The following MEMO1 variants were observed in gnomAD, a reference collection of about 807,000 sequenced individuals.
The protein encoded by MEMO1 is mediator of cell motility 1, also known as protein MEMO1.
Under a neutral mutation model 45.2 loss-of-function variants are expected in MEMO1, and 6 were observed. The observed-to-expected ratio is 0.13, with a 90% confidence interval of 0.07 to 0.26. The LOEUF (loss-of-function observed/expected upper bound fraction) is 0.26. MEMO1 is among the 10% of genes least tolerant of loss of function. The probability of loss-of-function intolerance (pLI) is 1.00; values close to 1 mark genes in which losing one functional copy is unlikely to be tolerated. For synonymous variants in MEMO1, 78 were observed against 124.3 expected (o/e 0.63, Z 2.48); for missense variants, 184 against 370.5 (o/e 0.50, Z 4.13).
Position 31,922,464 on chromosome 2 carries a change from AAC to A in MEMO1, c.213-1556_213-1555del, listed in dbSNP as rs548224689. 7.6e-4 allele frequency among the ~76,000 whole-genome samples: 115 copies of A among 152,262 alleles called. 1 individual carries two copies. Among genetic ancestry groups the A allele is most frequent in the African/African-American group, 2.7e-3 (112 of 41,554 alleles). The stretch of plus-strand genomic sequence containing the variant: ...CATCCACAGGCCATTTCTGGTCAGA[AAC>A]AGATTATCCTTTTCTTTAACTTTTA... On this transcript the variant is annotated intron_variant, in intron 4 of 9. Coordinates refer to ENST00000404530, the MANE Select transcript of MEMO1 (RefSeq NM_001301833.4).
chr2:31,888,958 A>T (rs764915336), intron 7 of MEMO1, among the ~76,000 whole-genome samples: 1 of 152,118 alleles, frequency 6.6e-6, no homozygotes, highest in Non-Finnish European at 1.5e-5. Flanking sequence ...AAAAGCTACA[A>T]GGCATCTGAA....
At chr2:31,882,451 G>A (rs1558474468) in intron 8 of MEMO1, among the ~76,000 whole-genome samples, 1 of 151,950 alleles carries the variant, frequency 6.6e-6, no homozygotes, top group Non-Finnish European at 1.5e-5. Context: ...TCAATGATGT[G>A]AGTTTATTAT....
At chr2:31,998,799 CAA>C (rs1186000366) in intron 2 of MEMO1, among the ~76,000 whole-genome samples, 20 of 105,640 alleles carry the variant, frequency 1.9e-4, no homozygotes, top group Non-Finnish European at 1.4e-4. Flanking sequence ...GACTCCGTCT[CAA>C]AAAAAAAAAA....
chr2:31,917,121 TAC>T (rs1471738373), intron 6 of MEMO1, among the ~76,000 whole-genome samples: 1 of 152,180 alleles, frequency 6.6e-6, no homozygotes. Context: ...ACTGAGAGCG[TAC>T]AGAGCATCAT....
At chr2:31,878,942 A>C (rs1252453170) in intron 8 of MEMO1, among the ~76,000 whole-genome samples, 1 of 148,614 alleles carries the variant, frequency 6.7e-6, no homozygotes, top group Non-Finnish European at 1.5e-5. Flanking sequence ...AACGAGAATC[A>C]TATAGCTGAT....
intron 2 of MEMO1, among the ~76,000 whole-genome samples, chr2:31,984,265 G>A (rs981732117): frequency 2.0e-5 from 3 of 152,072 alleles, no homozygotes; most frequent in Non-Finnish European, 4.4e-5. Context: ...CCCAATATAT[G>A]ATGAGGTCAT....
intron 8 of MEMO1, among the ~76,000 whole-genome samples, chr2:31,881,495 TAAA>T (rs34058748): frequency 0.12 from 8,092 of 68,058 alleles, 218 homozygotes; most frequent in Middle Eastern, 0.33. Flanking sequence ...AGCCTGTCTT[TAAA>T]AAAAAAAAAA....
intron 2 of MEMO1, among the ~76,000 whole-genome samples, chr2:31,967,822 C>T (rs1025127452): frequency 3.9e-5 from 6 of 151,908 alleles, no homozygotes; most frequent in Admixed American, 2.0e-4. Flanking sequence ...AGGTTTTTTC[C>T]CCACTAAACA....
At chr2:31,958,482 A>C (rs1667648149) in intron 2 of MEMO1, among the ~76,000 whole-genome samples, 1 of 152,012 alleles carries the variant, frequency 6.6e-6, no homozygotes, top group Admixed American at 6.5e-5. Flanking sequence ...CTACAATGCC[A>C]TGGCACCTTC....
intron 2 of MEMO1, among the ~76,000 whole-genome samples, chr2:31,963,676 A>C (rs1189708338): frequency 6.6e-6 from 1 of 152,226 alleles, no homozygotes; most frequent in Non-Finnish European, 1.5e-5. Flanking sequence ...GCAAGCCCTA[A>C]TAAATCAATA....
At chr2:31,884,412 T>C (rs147372135) in intron 7 of MEMO1, among the ~76,000 whole-genome samples, 2 of 152,308 alleles carry the variant, frequency 1.3e-5, no homozygotes, top group Non-Finnish European at 2.9e-5. Context: ...AATTAGACCA[T>C]ACAAATCATG....
At chr2:31,925,248 C>G (rs1445605902) in intron 4 of MEMO1, among the ~76,000 whole-genome samples, 6 of 152,046 alleles carry the variant, frequency 3.9e-5, no homozygotes, top group African/African-American at 1.4e-4. Flanking sequence ...GAGGCTGAAG[C>G]AGGCGGATCA....
At chr2:31,923,763 A>G in intron 4 of MEMO1, 1 of 1,521,556 alleles carries the variant, frequency 6.6e-7, no homozygotes, top group Non-Finnish European at 8.8e-7. Context: ...ATATGAAGTG[A>G]TTTTTAAAAT....
intron 2 of MEMO1, among the ~76,000 whole-genome samples, chr2:31,989,804 T>C (rs1671721863): frequency 6.6e-6 from 1 of 152,164 alleles, no homozygotes; most frequent in Non-Finnish European, 1.5e-5. Context: ...TGGCTATCCA[T>C]AAGTATCTGG....
chr2:32,008,803 T>C (rs190125259), intron 2 of MEMO1, among the ~76,000 whole-genome samples: 55 of 152,344 alleles, frequency 3.6e-4, no homozygotes, highest in Admixed American at 2.4e-3. Flanking sequence ...AATTCTTTTG[T>C]GTCTCCCTAA....
chr2:31,870,002 ATATT>A (rs1379628488), intron 8 of MEMO1, 50 bp from the exon 9 acceptor site: 2 of 1,291,742 alleles, frequency 1.5e-6, no homozygotes, highest in African/African-American at 1.6e-5. Context: ...GAAGAAGACA[ATATT>A]TATTATTTCC....
chr2:32,004,954 A>C (rs916460468), intron 2 of MEMO1, among the ~76,000 whole-genome samples: 1 of 151,740 alleles, frequency 6.6e-6, no homozygotes, highest in Non-Finnish European at 1.5e-5. Context: ...TACCATTTGC[A>C]TAGACCATGA....
intron 2 of MEMO1, among the ~76,000 whole-genome samples, chr2:31,970,902 G>A (rs1669317316): frequency 6.6e-6 from 1 of 152,178 alleles, no homozygotes; most frequent in African/African-American, 2.4e-5. Context: ...TACGTAGGAG[G>A]CTGAAACAGG....
chr2:31,923,392 T>C, intron 4 of MEMO1: 1 of 296,470 alleles, frequency 3.4e-6, no homozygotes. Context: ...TATGTAATTA[T>C]TAGCACTGCT....
Sources: gnomAD v4.1 joint callset for allele counts (sites outside exome capture counted in the v4.1 genomes callset) on GRCh38, gnomAD v4.1.1 for gene constraint, MANE v1.5 for transcripts, NCBI Gene and HGNC (gene_info 2026-07-23, HGNC 2026-07-21) for gene names.